The following CDH18 variants were observed in gnomAD, a reference collection of about 807,000 sequenced individuals.
CDH18 encodes the protein cadherin-18.
In CDH18, 31 loss-of-function variants were observed where a neutral mutation model predicts 67.9. That is an observed-to-expected ratio of 0.46 (90% CI 0.34 to 0.62). The LOEUF (loss-of-function observed/expected upper bound fraction) is 0.62, where lower values mean the gene tolerates loss of function less well. Among genes scored for constraint, CDH18 ranks in the 20% least tolerant of loss-of-function variants. The probability of loss-of-function intolerance (pLI) is 0.01; values close to 1 mark genes in which losing one functional copy is unlikely to be tolerated. For missense variants in CDH18, 890 were observed against 975.5 expected (o/e 0.91, Z 1.17); for synonymous variants, 362 against 347.2 (o/e 1.04, Z -0.48).
At chr5:20,238,861 C>A (rs1742672027) in intron 2 of CDH18, among the ~76,000 whole-genome samples, 1 of 152,000 alleles carries the variant, frequency 6.6e-6, no homozygotes, top group Non-Finnish European at 1.5e-5. Context: ...ATGAATATTT[C>A]CATATAAAGG....
intron 3 of CDH18, among the ~76,000 whole-genome samples, chr5:19,808,832 CAAAAAAA>C (rs1173922790): frequency 3.7e-5 from 2 of 53,936 alleles, no homozygotes; most frequent in African/African-American, 7.6e-5. Context: ...AACTCTGTCT[CAAAAAAA>C]AAAAAAAAAA....
At chr5:19,583,043 T>C (rs887780837) in intron 7 of CDH18, among the ~76,000 whole-genome samples, 20 of 152,018 alleles carry the variant, frequency 1.3e-4, no homozygotes, top group Non-Finnish European at 2.6e-4. Flanking sequence ...TCTCAAATCA[T>C]GTGTTAAATA....
intron 2 of CDH18, among the ~76,000 whole-genome samples, chr5:20,160,396 A>G (rs1751885988): frequency 6.6e-6 from 1 of 152,322 alleles, no homozygotes; most frequent in African/African-American, 2.4e-5. Context: ...TAAAAAACAG[A>G]CAGATGGTGA....
rs564958163 is a variant in CDH18 at position 20,373,717 on chromosome 5, C to T, written c.-579-118212G>A. On this transcript the variant is annotated intron_variant, in intron 1 of 14. Coordinates refer to the CDH18 transcript ENST00000507958. ...ACTATGCCTACCTGATTGTGCTTTG[C>T]ATCTAGTAGAGTCTCAATAAATTAA... Among the ~76,000 whole-genome samples, 270 of 152,048 alleles carry T rather than the reference C, an allele frequency of 1.8e-3. 1 individual carries two copies. The highest frequency in any genetic ancestry group is 6.0e-3 in the African/African-American group (247 of 41,484).
chr5:19,755,320 G>C (rs950020395), intron 3 of CDH18, among the ~76,000 whole-genome samples: 14 of 147,864 alleles, frequency 9.5e-5, no homozygotes, highest in Non-Finnish European at 1.0e-4. Flanking sequence ...AAATAACCTC[G>C]GTAAGAAATG....
chr5:19,994,869 G>T (rs1735871283), intron 2 of CDH18, among the ~76,000 whole-genome samples: 5 of 136,784 alleles, frequency 3.7e-5, no homozygotes, highest in Non-Finnish European at 4.7e-5. Context: ...GAGAGAGAGA[G>T]AGAGAGAGAT....
chr5:19,673,833 T>G (rs2150359114), intron 5 of CDH18, among the ~76,000 whole-genome samples: 1 of 152,234 alleles, frequency 6.6e-6, no homozygotes, highest in Non-Finnish European at 1.5e-5. Flanking sequence ...CAGGGAAAAC[T>G]GACTCATTGA....
At chr5:19,928,610 G>A (rs577515520) in intron 2 of CDH18, among the ~76,000 whole-genome samples, 1 of 152,230 alleles carries the variant, frequency 6.6e-6, no homozygotes, top group African/African-American at 2.4e-5. Flanking sequence ...ACTCCTGTGT[G>A]AGCTTGAGAA....
At chr5:19,517,691 T>C (rs1215781835) in intron 10 of CDH18, among the ~76,000 whole-genome samples, 1 of 152,130 alleles carries the variant, frequency 6.6e-6, no homozygotes, top group Non-Finnish European at 1.5e-5. Flanking sequence ...GTGTTTGGCT[T>C]GATATTTCCA....
chr5:19,607,035 G>A (rs905895514), intron 6 of CDH18, among the ~76,000 whole-genome samples: 1 of 151,586 alleles, frequency 6.6e-6, no homozygotes, highest in African/African-American at 2.4e-5. Flanking sequence ...TTATTGAAAT[G>A]GAGAAAATCC....
At chr5:20,038,079 C>T (rs1457425380) in intron 2 of CDH18, among the ~76,000 whole-genome samples, 3 of 152,088 alleles carry the variant, frequency 2.0e-5, no homozygotes, top group Non-Finnish European at 2.9e-5. Context: ...CACCTCTACA[C>T]AAATAAACTA....
chr5:20,151,710 C>A (rs1300554941), intron 2 of CDH18, among the ~76,000 whole-genome samples: 1 of 152,042 alleles, frequency 6.6e-6, no homozygotes, highest in Non-Finnish European at 1.5e-5. Flanking sequence ...TCAAATACTT[C>A]TTTTCCCAAA....
At chr5:20,556,731 C>T (rs569861767) in intron 1 of CDH18, among the ~76,000 whole-genome samples, 4 of 152,192 alleles carry the variant, frequency 2.6e-5, no homozygotes, top group African/African-American at 9.6e-5. Flanking sequence ...ATTTTTTTAG[C>T]TTAAAATTAA....
intron 9 of CDH18, among the ~76,000 whole-genome samples, chr5:19,528,341 G>T (rs1479360767): frequency 6.6e-6 from 1 of 151,452 alleles, no homozygotes; most frequent in Non-Finnish European, 1.5e-5. Context: ...ATGCTGCTTA[G>T]AACTTTACTA....
intron 12 of CDH18, among the ~76,000 whole-genome samples, chr5:19,479,109 C>G (rs1220766041): frequency 6.6e-6 from 1 of 152,110 alleles, no homozygotes; most frequent in Non-Finnish European, 1.5e-5. Flanking sequence ...CAGAATGACT[C>G]TAAGGTCCTT....
intron 1 of CDH18, among the ~76,000 whole-genome samples, chr5:20,334,370 C>A (rs1345393099): frequency 1.3e-5 from 2 of 151,568 alleles, no homozygotes; most frequent in Admixed American, 6.6e-5. Flanking sequence ...ATCTCCTGAC[C>A]TCGTGATCCG....
chr5:20,566,786 T>C (rs2126661574), intron 1 of CDH18, among the ~76,000 whole-genome samples: 1 of 152,276 alleles, frequency 6.6e-6, no homozygotes, highest in Non-Finnish European at 1.5e-5. Context: ...TTTCATCTTA[T>C]AGTCTTGTAA....
chr5:20,511,717 A>G lies in CDH18; in HGVS notation c.-580+63745T>C, dbSNP rs185387221. 6.3e-3 allele frequency among the ~76,000 whole-genome samples: 958 copies of G among 152,314 alleles called. 5 individuals are homozygous for G. Among genetic ancestry groups the G allele is most frequent in the Non-Finnish European group, 9.7e-3 (662 of 68,004 alleles). On this transcript the variant is annotated intron_variant, in intron 1 of 14. Transcript: ENST00000507958. ...AAGGACTTCAAATACAACATTGAAT[A>G]GAAGTGGTGATTGTGGACCTCCTTG...
intron 2 of CDH18, among the ~76,000 whole-genome samples, chr5:19,979,359 T>C (rs1798811771): frequency 1.3e-5 from 2 of 152,090 alleles, no homozygotes; most frequent in South Asian, 4.1e-4. Context: ...AAAATATCAG[T>C]TTCACAACTT....
Sources: gnomAD v4.1 joint callset for allele counts (sites outside exome capture counted in the v4.1 genomes callset) on GRCh38, gnomAD v4.1.1 for gene constraint, MANE v1.5 for transcripts, NCBI Gene and HGNC (gene_info 2026-07-23, HGNC 2026-07-21) for gene names.